Variants in SLC30A1 observed in about 807,000 individuals in gnomAD.
SLC30A1 encodes the protein solute carrier family 30 member 1, also known as proton-coupled zinc antiporter SLC30A1.
SLC30A1 carries 7 observed loss-of-function variants against 29.8 expected under a neutral mutation model. That is an observed-to-expected ratio of 0.23 (90% CI 0.13 to 0.44). SLC30A1 has a LOEUF of 0.44. SLC30A1 is among the 20% of genes least tolerant of loss of function. SLC30A1 has a pLI of 1.00. For synonymous variants in SLC30A1, 254 were observed against 253.5 expected (o/e 1.00, Z -0.02); for missense variants, 446 against 647.9 (o/e 0.69, Z 3.38).
rs1423445080 is a variant in SLC30A1 at position 211,572,995 on chromosome 1, A to G, written c.*2393T>C. ...TTTAAATATTGGGTTTAAGTCTCCT[A>G]ATAATTCAGAGTATTTCCCTCATTT... On this transcript the variant is annotated 3_prime_UTR_variant, in exon 2 of 2. Transcript: ENST00000367001. 1 of 152,116 alleles carries G rather than the reference A, an allele frequency of 6.6e-6. No individual in the cohort carries two copies. The highest frequency in any genetic ancestry group is 1.5e-5 in the Non-Finnish European group (1 of 67,930). 9.4% of individuals were successfully genotyped at this position (152,116 alleles called of 1,614,324 possible).
Position 211,572,298 on chromosome 1 carries a change from T to C in SLC30A1, c.*3090A>G, listed in dbSNP as rs1706664581. 1 of 152,130 alleles carries C rather than the reference T, an allele frequency of 6.6e-6. No individual in the cohort carries two copies. Among genetic ancestry groups the C allele is most frequent in the Non-Finnish European group, 1.5e-5 (1 of 67,964 alleles). The allele number at this position is 152,130 out of a possible 1,614,324, so 9.4% of individuals were successfully genotyped here. A position where few individuals can be genotyped will look rare whatever the true frequency, so the allele number is the denominator to read the frequency against. On this transcript the variant is annotated 3_prime_UTR_variant, in exon 2 of 2. Coordinates refer to ENST00000367001, the MANE Select transcript of SLC30A1 (RefSeq NM_021194.3). Reference sequence around the variant, plus strand: ...TGTTTATGACTTAACTGAAACTCAGTATTAAAATAAATATTTTTATATTGT... The same window carrying C: ...TGTTTATGACTTAACTGAAACTCAGCATTAAAATAAATATTTTTATATTGT...
intron 1 of SLC30A1, among the ~76,000 whole-genome samples, chr1:211,576,605 A>T (rs1163316980): frequency 6.6e-6 from 1 of 152,202 alleles, no homozygotes; most frequent in Non-Finnish European, 1.5e-5. Flanking sequence ...TATGGTATAT[A>T]CAAAGGAAAA....
Position 211,578,431 on chromosome 1 carries a change from G to C in SLC30A1, c.182C>G (p.Ala61Gly), listed in dbSNP as rs1323840947. 1 of 1,612,416 alleles carries C rather than the reference G, an allele frequency of 6.2e-7. No individual in the cohort carries two copies. Among genetic ancestry groups the C allele is most frequent in the Non-Finnish European group, 8.5e-7 (1 of 1,179,618 alleles). The change falls in exon 1 of 2, where the codon GCC becomes GGC. Residue 61 changes from alanine (A) to glycine (G), a missense_variant. Transcript: ENST00000367001. ...CTTCTGGGTGGCGTGGGTCCGCCGGGCGAAGCGCTCGGCCACCAGCGCCAC... is the reference window on the plus strand; with the variant it reads ...CTTCTGGGTGGCGTGGGTCCGCCGGCCGAAGCGCTCGGCCACCAGCGCCAC... ...LVVALVAERF[A>G]RRTHATQKNT...
rs1236128211 is a variant in SLC30A1, at chr1:211,577,511, CAT to C, written c.622+478_622+479del. Reference sequence around the variant, plus strand: ...ATATTATGAAACGGAGTTCAATGGGCATAAGAACTACTTTGGCAGAGCAAGGT... The same window carrying C: ...ATATTATGAAACGGAGTTCAATGGGCAAGAACTACTTTGGCAGAGCAAGGT... On this transcript the variant is annotated intron_variant, in intron 1 of 1. Transcript: ENST00000367001. The surrounding 1 kb of genome is among the most constrained non-coding windows in gnomAD (Gnocchi z 4.5). 6.6e-6 allele frequency among the ~76,000 whole-genome samples: 1 copy of C among 152,176 alleles called. No individual in the cohort carries two copies. The highest frequency in any genetic ancestry group is 6.5e-5 in the Admixed American group (1 of 15,288).
intron 1 of SLC30A1, 97 bp from the exon 2 acceptor site, chr1:211,576,386 T>G: frequency 1.2e-6 from 1 of 807,860 alleles, no homozygotes; most frequent in Non-Finnish European, 1.9e-6. Context: ...GGTGAAAATT[T>G]TTTCAGAAAG....
In SLC30A1 at chr1:211,578,753, G is replaced by A. The variant is rs1312456391; in HGVS notation, c.-141C>T. ...GGGAAACCGCTGAGGGGCCCCCGCGGCCGCACGGGGACAAGCCCGGGTCAA... is the reference window on the plus strand; with the variant it reads ...GGGAAACCGCTGAGGGGCCCCCGCGACCGCACGGGGACAAGCCCGGGTCAA... On this transcript the variant is annotated 5_prime_UTR_variant, in exon 1 of 2. Transcript: ENST00000367001. 1.3e-6 allele frequency: 1 copy of A among 765,748 alleles called. No individual in the cohort carries two copies. The highest frequency in any genetic ancestry group is 1.8e-5 in the African/African-American group (1 of 54,132). The allele number at this position is 765,748 out of a possible 1,614,324, so 47.4% of individuals were successfully genotyped here.
Position 211,578,073 on chromosome 1 carries a change from G to A in SLC30A1, c.540C>T (p.Gly180=). 6.2e-7 allele frequency: 1 copy of A among 1,612,564 alleles called. No homozygotes were observed. The highest frequency in any genetic ancestry group is 8.5e-7 in the Non-Finnish European group (1 of 1,179,618). The change falls in exon 1 of 2, where the codon GGC becomes GGT. Residue 180 remains glycine, a synonymous_variant. Transcript: ENST00000367001. ...PGSSDINVAP[G]EQGPDQEETN... ...TCTCCTCCTGGTCGGGACCCTGCTC[G>A]CCCGGGGCCACGTTGATGTCGCTGC...
At chr1:211,576,334 T>C (rs752768219) in intron 1 of SLC30A1, 45 bp from the exon 2 acceptor site, 4 of 1,227,928 alleles carry the variant, frequency 3.3e-6, no homozygotes, top group Non-Finnish European at 4.5e-6. Flanking sequence ...TTAAAGTGTT[T>C]ATATAAACAT....
Position 211,572,329 on chromosome 1 carries a change from TAC to T in SLC30A1, c.*3057_*3058del, listed in dbSNP as rs1404845506. On this transcript the variant is annotated 3_prime_UTR_variant, in exon 2 of 2. Transcript: ENST00000367001. The stretch of plus-strand genomic sequence containing the variant: ...AATAAATATTTTTATATTGTAGAAT[TAC>T]TCTCCATATTTGTGTGAACATCTTA... 1 of 152,146 alleles carries T rather than the reference TAC, an allele frequency of 6.6e-6. No homozygotes were observed. Among genetic ancestry groups the T allele is most frequent in the African/African-American group, 2.4e-5 (1 of 41,458 alleles). The allele number at this position is 152,146 out of a possible 1,614,324, so 9.4% of individuals were successfully genotyped here. A position where few individuals can be genotyped will look rare whatever the true frequency, so the allele number is the denominator to read the frequency against.
Position 211,576,044 on chromosome 1 carries a change from G to T in SLC30A1, c.868C>A (p.Pro290Thr). ...DFCVNPCFPD[P>T]CKAFVEIINS... ...ATTATTTCTACAAATGCTTTGCAGG[G>T]GTCAGGGAAACATGGATTCACACAA... Residue 290 changes from proline to threonine, a missense_variant, in exon 2 of 2, where the codon CCC becomes ACC. Transcript: ENST00000367001. The T allele has an allele frequency of 6.2e-7, 1 of 1,613,338 alleles. No homozygotes were observed. Among genetic ancestry groups the T allele is most frequent in the East Asian group, 2.2e-5 (1 of 44,878 alleles).
chr1:211,578,784 C>G lies in SLC30A1; in HGVS notation c.-172G>C. The G allele has an allele frequency of 2.1e-6, 1 of 482,170 alleles. No homozygotes were observed. The highest frequency in any genetic ancestry group is 3.3e-6 in the Non-Finnish European group (1 of 306,874). 29.9% of individuals were successfully genotyped at this position (482,170 alleles called of 1,614,324 possible). A position where few individuals can be genotyped will look rare whatever the true frequency, so the allele number is the denominator to read the frequency against. ...CGGGGACAAGCCCGGGTCAAGCCGCCGAGCCCCGCGCCTGTGGGCGTTCTC... is the reference window on the plus strand; with the variant it reads ...CGGGGACAAGCCCGGGTCAAGCCGCGGAGCCCCGCGCCTGTGGGCGTTCTC... On this transcript the variant is annotated 5_prime_UTR_variant, in exon 1 of 2. Transcript: ENST00000367001.
At position 211,577,643 on chromosome 1, in the gene SLC30A1, CAGACA is replaced by C. The variant is rs1174406601; in HGVS notation, c.622+343_622+347del. On this transcript the variant is annotated intron_variant, in intron 1 of 1. Transcript: ENST00000367001. This position sits in a 1 kb window ranked among gnomAD's most constrained non-coding sequence, Gnocchi z 4.5. ...TTTCTGACGCTGTTATAACCATAAC[CAGACA>C]AGTCTCCAGCAAAGTTGCTGCAGCC... Among the ~76,000 whole-genome samples, 1 of 152,190 alleles carries C rather than the reference CAGACA, an allele frequency of 6.6e-6. No individual in the cohort carries two copies. Among genetic ancestry groups the C allele is most frequent in the Non-Finnish European group, 1.5e-5 (1 of 68,024 alleles).
At chr1:211,576,575 G>A (rs1706721030) in intron 1 of SLC30A1, among the ~76,000 whole-genome samples, 1 of 152,122 alleles carries the variant, frequency 6.6e-6, no homozygotes, top group Non-Finnish European at 1.5e-5. Flanking sequence ...GTGGAGTCCT[G>A]CAACCATTCT....
In SLC30A1 at chr1:211,578,378, C is replaced by T; in HGVS notation, c.235G>A (p.Val79Ile). ...KNTFGWIRAE[V>I]MGALVNAIFL... ...ATGGCGTTCACCAGAGCCCCCATTA[C>T]CTCGGCTCGGATCCAGCCGAACGTG... The change falls in exon 1 of 2, where the codon GTA becomes ATA. Residue 79 changes from valine to isoleucine, a missense_variant. By Grantham distance (29) the Val-to-Ile change is conservative. Coordinates refer to ENST00000367001, the MANE Select transcript of SLC30A1 (RefSeq NM_021194.3). 6.2e-7 allele frequency: 1 copy of T among 1,613,856 alleles called. No individual in the cohort carries two copies. The highest frequency in any genetic ancestry group is 8.5e-7 in the Non-Finnish European group (1 of 1,179,950).
chr1:211,573,118 G>A lies in SLC30A1; in HGVS notation c.*2270C>T, dbSNP rs185650013. ...TTTTTTAAAAGATAATGCTAATATA[G>A]CTACAATGGGTTAGAAAGTGCATTG... On this transcript the variant is annotated 3_prime_UTR_variant, in exon 2 of 2. Transcript: ENST00000367001. 47 of 152,014 alleles carry A rather than the reference G, an allele frequency of 3.1e-4. No individual in the cohort carries two copies. Among genetic ancestry groups the A allele is most frequent in the African/African-American group, 1.0e-3 (43 of 41,508 alleles). 9.4% of individuals were successfully genotyped at this position (152,014 alleles called of 1,614,324 possible). A position where few individuals can be genotyped will look rare whatever the true frequency, so the allele number is the denominator to read the frequency against.
intron 1 of SLC30A1, among the ~76,000 whole-genome samples, chr1:211,576,659 T>C (rs1706722573): frequency 6.6e-6 from 1 of 152,224 alleles, no homozygotes; most frequent in Non-Finnish European, 1.5e-5. Context: ...CAGCTAGGAA[T>C]AAGTCTACTA....
In SLC30A1 at chr1:211,575,827, T is replaced by A; in HGVS notation, c.1085A>T (p.Asn362Ile). 1 of 1,614,058 alleles carries A rather than the reference T, an allele frequency of 6.2e-7. No individual in the cohort carries two copies. Among genetic ancestry groups the A allele is most frequent in the South Asian group, 1.1e-5 (1 of 91,040 alleles). The change falls in exon 2 of 2, where the codon AAT becomes ATT. Residue 362 changes from asparagine to isoleucine, a missense_variant. Coordinates refer to ENST00000367001, the MANE Select transcript of SLC30A1 (RefSeq NM_021194.3). The surrounding 1 kb of genome is among the most constrained non-coding windows in gnomAD (Gnocchi z 6.0). Reference protein sequence around the residue: ...DIRNLIKELRNVEGVEEVHEL... With the variant: ...DIRNLIKELRIVEGVEEVHEL... ...ATGAACTTCCTCAACTCCTTCAACA[T>A]TTCGAAGTTCTTTTATCAAATTTCT... is the stretch of plus-strand genomic sequence containing the variant.
chr1:211,573,779 T>A lies in SLC30A1; in HGVS notation c.*1609A>T, dbSNP rs536671323. 8.5e-5 allele frequency: 13 copies of A among 152,270 alleles called. No individual in the cohort carries two copies. The highest frequency in any genetic ancestry group is 3.1e-4 in the African/African-American group (13 of 41,552). 9.4% of individuals were successfully genotyped at this position (152,270 alleles called of 1,614,324 possible). A position where few individuals can be genotyped will look rare whatever the true frequency, so the allele number is the denominator to read the frequency against. ...TATGGTTTTGGCCCATTATAGTAAATGTGAACTTACAAACTGTGTTCCTAA... is the reference window on the plus strand; with the variant it reads ...TATGGTTTTGGCCCATTATAGTAAAAGTGAACTTACAAACTGTGTTCCTAA... On this transcript the variant is annotated 3_prime_UTR_variant, in exon 2 of 2. Coordinates refer to ENST00000367001, the MANE Select transcript of SLC30A1 (RefSeq NM_021194.3).
In SLC30A1 at chr1:211,575,198, T is replaced by C; in HGVS notation, c.*190A>G. ...ACAGTCACAGCATAGCTGTACTCTG[T>C]ACTAATAATCACAAAATTGTAATAT... On this transcript the variant is annotated 3_prime_UTR_variant, in exon 2 of 2. Transcript: ENST00000367001. This position sits in a 1 kb window ranked among gnomAD's most constrained non-coding sequence, Gnocchi z 6.0. The C allele has an allele frequency of 3.5e-6, 2 of 577,648 alleles. No individual in the cohort carries two copies. Among genetic ancestry groups the C allele is most frequent in the Non-Finnish European group, 6.0e-6 (2 of 330,588 alleles). The allele number at this position is 577,648 out of a possible 1,614,324, so 35.8% of individuals were successfully genotyped here. A position where few individuals can be genotyped will look rare whatever the true frequency, so the allele number is the denominator to read the frequency against.
Sources: allele counts gnomAD v4.1 joint callset (sites outside exome capture counted in the v4.1 genomes callset), GRCh38; gene constraint gnomAD v4.1.1; non-coding constraint Gnocchi (gnomAD v3.1); transcripts MANE v1.5; gene names NCBI Gene and HGNC (gene_info 2026-07-23, HGNC 2026-07-21).